Variants in NOS1 observed in about 807,000 individuals in gnomAD.
NOS1 encodes NOS type I.
Under a neutral mutation model 164.5 loss-of-function variants are expected in NOS1, and 51 were observed. The observed-to-expected ratio is 0.31, with a 90% CI of 0.25 to 0.39. NOS1 has a LOEUF of 0.39. Ranked by LOEUF, NOS1 falls within the 10% of genes least tolerant of loss-of-function variation. NOS1 has a pLI of 1.00. For missense variants in NOS1, 1,362 were observed against 1,885.6 expected (o/e 0.72, Z 5.14); for synonymous variants, 719 against 745.8 (o/e 0.96, Z 0.59).
intron 3 of NOS1, among the ~76,000 whole-genome samples, chr12:117,299,511 C>CGGG (rs950633495): frequency 6.6e-6 from 1 of 151,688 alleles, no homozygotes; most frequent in African/African-American, 2.4e-5. Context: ...TGGTGGCGGG[C>CGGG]GCCTGTAGTC....
chr12:117,247,032 T>C (rs570315263), intron 18 of NOS1, among the ~76,000 whole-genome samples: 1 of 152,266 alleles, frequency 6.6e-6, no homozygotes, highest in East Asian at 1.9e-4. Context: ...CCATCTCTTG[T>C]TTTCTTTGTG....
intron 16 of NOS1, among the ~76,000 whole-genome samples, chr12:117,256,566 C>A (rs2135973358): frequency 6.6e-6 from 1 of 151,976 alleles, no homozygotes; most frequent in Non-Finnish European, 1.5e-5. Flanking sequence ...GCATGAGCCA[C>A]TGTGTCTGGC....
At chr12:117,335,729 T>TGAGAGAGAGAGAGAGAGAGAGGGAGA (rs1875777477) in intron 1 of NOS1, among the ~76,000 whole-genome samples, 1 of 112,540 alleles carries the variant, frequency 8.9e-6, no homozygotes, top group African/African-American at 3.6e-5. Flanking sequence ...ACAGACTATA[T>TGAGAGAGAGAGAGAGAGAGAGGGAGA]GAGAGAGAGA....
chr12:117,274,769 C>CAAAA (rs71099039), intron 9 of NOS1, among the ~76,000 whole-genome samples: 139 of 76,396 alleles, frequency 1.8e-3, no homozygotes, highest in African/African-American at 3.3e-3. Flanking sequence ...CTCCGTCTCA[C>CAAAA]AAAAAAAAAA....
intron 2 of NOS1, among the ~76,000 whole-genome samples, chr12:117,318,400 A>G (rs1053080067): frequency 6.6e-6 from 1 of 152,078 alleles, no homozygotes; most frequent in African/African-American, 2.4e-5. Context: ...CCATCCTCCT[A>G]TAAGGCCAGG....
At chr12:117,301,266 T>A (rs1873795256) in intron 3 of NOS1, among the ~76,000 whole-genome samples, 1 of 152,228 alleles carries the variant, frequency 6.6e-6, no homozygotes, top group East Asian at 1.9e-4. Flanking sequence ...TAGCTGGGAT[T>A]ACAAGTGTGT....
intron 2 of NOS1, among the ~76,000 whole-genome samples, chr12:117,318,808 G>A (rs1459864643): frequency 6.6e-6 from 1 of 152,184 alleles, no homozygotes; most frequent in African/African-American, 2.4e-5. Flanking sequence ...GGAGCAGCTG[G>A]TGCTGGCAGG....
rs1272080361 is a variant in NOS1 at position 117,208,300 on chromosome 12, T to C, written c.*7009A>G. 3 of 1,288,872 alleles carry C rather than the reference T, an allele frequency of 2.3e-6. No homozygotes were observed. The East Asian group carries it at 1.7e-4, about 72-fold the overall frequency. The allele number at this position is 1,288,872 out of a possible 1,614,324, so 79.8% of individuals were successfully genotyped here. On this transcript the variant is annotated 3_prime_UTR_variant, in exon 29 of 29. Coordinates refer to ENST00000317775, the MANE Select transcript of NOS1 (RefSeq NM_000620.5). ...AAGAGCGTGGGGTGGGCGTCAGTCC[T>C]TCAAGGAAGGTGCTGGAGCACAGGG...
At chr12:117,344,664 T>C (rs903489233) in intron 1 of NOS1, among the ~76,000 whole-genome samples, 3 of 152,230 alleles carry the variant, frequency 2.0e-5, no homozygotes, top group Admixed American at 1.3e-4. Flanking sequence ...ATTTTAGTAA[T>C]TGAAAGTTGA....
chr12:117,322,080 TTC>T (rs1205718082), intron 2 of NOS1, among the ~76,000 whole-genome samples: 63 of 81,660 alleles, frequency 7.7e-4, no homozygotes, highest in Non-Finnish European at 1.2e-3. Context: ...CTCCCTCCCT[TTC>T]TCTCTTCTTC....
intron 2 of NOS1, among the ~76,000 whole-genome samples, chr12:117,325,504 C>A (rs55990915): frequency 0.19 from 29,085 of 151,988 alleles, 3,675 homozygotes; most frequent in African/African-American, 0.35. Context: ...CCTCCTGCAA[C>A]GCCAGGAACA....
chr12:117,294,367 T>C (rs1032164280), intron 3 of NOS1, among the ~76,000 whole-genome samples: 1 of 151,930 alleles, frequency 6.6e-6, no homozygotes, highest in Admixed American at 6.6e-5. Flanking sequence ...ACAGGACTAA[T>C]AAAAGAGGCC....
At chr12:117,298,461 C>G (rs779849438) in intron 3 of NOS1, among the ~76,000 whole-genome samples, 1 of 151,890 alleles carries the variant, frequency 6.6e-6, no homozygotes, top group Non-Finnish European at 1.5e-5. Context: ...GGTTTGGGGA[C>G]CCCTGTATTA....
At chr12:117,249,455 G>A (rs1870916156) in intron 17 of NOS1, among the ~76,000 whole-genome samples, 1 of 152,108 alleles carries the variant, frequency 6.6e-6, no homozygotes, top group South Asian at 2.1e-4. Flanking sequence ...TTAGTGGAAG[G>A]CTTGAATTCT....
At chr12:117,283,056 A>ATATATATATATTTT (rs1360367568) in intron 7 of NOS1, among the ~76,000 whole-genome samples, 3 of 92,954 alleles carry the variant, frequency 3.2e-5, no homozygotes, top group Admixed American at 1.3e-4. Context: ...ATATATATAT[A>ATATATATATATTTT]TTTTTTTTTT....
chr12:117,292,468 T>G (rs1201666937), intron 3 of NOS1, among the ~76,000 whole-genome samples: 1 of 152,192 alleles, frequency 6.6e-6, no homozygotes, highest in Non-Finnish European at 1.5e-5. Flanking sequence ...CTGTGAATTA[T>G]GATCAAATGA....
intron 7 of NOS1, among the ~76,000 whole-genome samples, chr12:117,283,051 TATA>T (rs1383984537): frequency 7.7e-5 from 5 of 64,676 alleles, no homozygotes; most frequent in Admixed American, 6.0e-4. Context: ...TATATATATA[TATA>T]TATTTTTTTT....
At chr12:117,264,725 CTCTT>C (rs1314459719) in intron 12 of NOS1, among the ~76,000 whole-genome samples, 1 of 149,172 alleles carries the variant, frequency 6.7e-6, no homozygotes, top group Non-Finnish European at 1.5e-5. Context: ...TTCCCTCTCT[CTCTT>C]TCTCTCTTTC....
chr12:117,218,463 T>A (rs1048772447), intron 27 of NOS1, among the ~76,000 whole-genome samples: 4 of 152,048 alleles, frequency 2.6e-5, no homozygotes, highest in African/African-American at 9.7e-5. Flanking sequence ...AAAGGAGCGA[T>A]GAGGTCAAAT....
Sources: gnomAD v4.1 joint callset for allele counts (sites outside exome capture counted in the v4.1 genomes callset) on GRCh38, gnomAD v4.1.1 for gene constraint, MANE v1.5 for transcripts, NCBI Gene and HGNC (gene_info 2026-07-23, HGNC 2026-07-21) for gene names.